The following TUSC3 variants were observed in gnomAD, a reference collection of about 807,000 sequenced individuals.
TUSC3 encodes the protein tumor suppressor candidate 3, also known as dolichyl-diphosphooligosaccharide--protein glycosyltransferase subunit TUSC3.
Under a neutral mutation model 44.8 loss-of-function variants are expected in TUSC3, and 45 were observed. That is an observed-to-expected ratio of 1.00 (90% CI 0.79 to 1.29). The LOEUF (loss-of-function observed/expected upper bound fraction) is 1.29, where lower values mean the gene tolerates loss of function less well. Among genes scored for constraint, TUSC3 ranks in the 50% most tolerant of loss-of-function variants. TUSC3 has a pLI of 0.00. For missense variants in TUSC3, 519 were observed against 437.9 expected (o/e 1.19, Z -1.65); for synonymous variants, 212 against 152.9 (o/e 1.39, Z -2.85).
intron 1 of TUSC3, among the ~76,000 whole-genome samples, chr8:15,622,388 C>G (rs779190022): frequency 3.3e-5 from 5 of 151,786 alleles, no homozygotes; most frequent in Non-Finnish European, 5.9e-5. Flanking sequence ...CCACCTTGGT[C>G]TCCCAAAGTG....
the TUSC3 span, among the ~76,000 whole-genome samples, chr8:15,788,569 G>A: frequency 1.9e-4 from 28 of 145,450 alleles, no homozygotes; most frequent in African/African-American, 6.5e-4. Flanking sequence ...AAAAAAGGAA[G>A]TTAAATTTCA....
At chr8:15,468,723 A>G (rs1190897866) in intron 1 of TUSC3, among the ~76,000 whole-genome samples, 1 of 152,148 alleles carries the variant, frequency 6.6e-6, no homozygotes, top group African/African-American at 2.4e-5. Context: ...AGCAGAGAAA[A>G]ATCACAACAG....
chr8:15,799,756 A>G, the TUSC3 span, among the ~76,000 whole-genome samples: 3 of 152,222 alleles, frequency 2.0e-5, no homozygotes, highest in Non-Finnish European at 2.9e-5. Flanking sequence ...GTCAAGGACT[A>G]TGAAGGGTCT....
intron 1 of TUSC3, among the ~76,000 whole-genome samples, chr8:15,435,657 C>T (rs1449264886): frequency 6.6e-6 from 1 of 152,104 alleles, no homozygotes; most frequent in African/African-American, 2.4e-5. Context: ...TAAATTGACT[C>T]CCTCTTTTTA....
chr8:15,475,303 A>C (rs1251533590), intron 1 of TUSC3, among the ~76,000 whole-genome samples: 1 of 152,210 alleles, frequency 6.6e-6, no homozygotes, highest in Non-Finnish European at 1.5e-5. Flanking sequence ...ACCAGAGCCC[A>C]AATTAGCCTG....
chr8:15,798,771 G>A, the TUSC3 span, among the ~76,000 whole-genome samples: 1 of 152,128 alleles, frequency 6.6e-6, no homozygotes, highest in African/African-American at 2.4e-5. Context: ...GGCTCTTACA[G>A]GGACAACATT....
chr8:15,717,382 G>T (rs979280023), intron 6 of TUSC3, among the ~76,000 whole-genome samples: 3 of 152,050 alleles, frequency 2.0e-5, no homozygotes, highest in Admixed American at 6.6e-5. Flanking sequence ...TTGTTTGAGA[G>T]TAACGAAGAG....
chr8:15,449,270 G>A (rs1463762654), intron 1 of TUSC3, among the ~76,000 whole-genome samples: 1 of 152,200 alleles, frequency 6.6e-6, no homozygotes, highest in South Asian at 2.1e-4. Context: ...AAGAAGGAAT[G>A]GGCACATGTG....
chr8:15,499,278 A>G (rs138238383), intron 2 of TUSC3, among the ~76,000 whole-genome samples: 5 of 152,300 alleles, frequency 3.3e-5, no homozygotes, highest in African/African-American at 1.2e-4. Flanking sequence ...TTCCTTATCA[A>G]CATTTACTTT....
chr8:15,824,939 T>G, the TUSC3 span, among the ~76,000 whole-genome samples: 72 of 152,310 alleles, frequency 4.7e-4, no homozygotes, highest in African/African-American at 1.7e-3. Context: ...CCTCCCTTCA[T>G]TGACCATAAG....
chr8:15,540,462 G>A lies in TUSC3; in HGVS notation c.32G>A (p.Arg11Lys), dbSNP rs13269389. 3 of 1,605,890 alleles carry A rather than the reference G, an allele frequency of 1.9e-6. No individual in the cohort carries two copies. The highest frequency in any genetic ancestry group is 2.5e-6 in the Non-Finnish European group (3 of 1,177,082). Residue 11 changes from arginine to lysine, a missense_variant, in exon 1 of 11, where the codon AGG (arginine) becomes AAG (lysine). By Grantham distance (26) the Arg-to-Lys change is conservative. Transcript: ENST00000503731. The stretch of plus-strand genomic sequence containing the variant: ...GCCCGGGGCGCTCCTTCACGCCGTA[G>A]GCAAGCGGGGCGGCGGCTGCGGTAC... MGARGAPSRR[R>K]QAGRRLRYLP...
intron 2 of TUSC3, among the ~76,000 whole-genome samples, chr8:15,491,576 C>G (rs760929105): frequency 4.6e-5 from 7 of 152,040 alleles, no homozygotes; most frequent in Non-Finnish European, 8.8e-5. Context: ...GAATTTTTAT[C>G]TTTTTGCTTA....
At chr8:15,836,797 C>T in the TUSC3 span, among the ~76,000 whole-genome samples, 1 of 152,200 alleles carries the variant, frequency 6.6e-6, no homozygotes, top group South Asian at 2.1e-4. Flanking sequence ...AAATGATATG[C>T]TTTTAATTTT....
At chr8:15,527,862 T>C (rs1801396583) in intron 2 of TUSC3, among the ~76,000 whole-genome samples, 1 of 152,238 alleles carries the variant, frequency 6.6e-6, no homozygotes, top group Non-Finnish European at 1.5e-5. Context: ...CATTCTCCTC[T>C]TCCTCTAGCC....
At chr8:15,482,924 C>G (rs113449721) in intron 1 of TUSC3, among the ~76,000 whole-genome samples, 1 of 152,032 alleles carries the variant, frequency 6.6e-6, no homozygotes, top group Non-Finnish European at 1.5e-5. Flanking sequence ...TTACTTTAAG[C>G]GGTGTGTTTT....
the TUSC3 span, among the ~76,000 whole-genome samples, chr8:15,784,996 C>T: frequency 6.8e-6 from 1 of 146,866 alleles, no homozygotes; most frequent in Admixed American, 7.3e-5. Flanking sequence ...AGAAACATGA[C>T]ATTGTACCTA....
intron 3 of TUSC3, among the ~76,000 whole-genome samples, chr8:15,652,897 T>C (rs907448767): frequency 6.6e-5 from 10 of 152,212 alleles, no homozygotes; most frequent in African/African-American, 2.4e-4. Flanking sequence ...TTTCATTGTA[T>C]CTTTGTTATG....
Position 15,422,411 on chromosome 8 carries a change from A to G in TUSC3, n.91+5106A>G, listed in dbSNP as rs1462283596. 2.6e-5 allele frequency among the ~76,000 whole-genome samples: 4 copies of G among 152,298 alleles called. No individual in the cohort carries two copies. In the East Asian group the frequency reaches 5.8e-4, roughly 22 times the overall value. On this transcript the variant is annotated intron_variant and non_coding_transcript_variant, in intron 1 of 5. Transcript: ENST00000503191. Reference sequence around the variant, plus strand: ...TAGAGAGATTACTCCTTGTTCTTCAAGAATGGGGACCGGCAGAGTAGGTGG... The same window carrying G: ...TAGAGAGATTACTCCTTGTTCTTCAGGAATGGGGACCGGCAGAGTAGGTGG...
chr8:15,478,810 A>T (rs1348696621), intron 1 of TUSC3, among the ~76,000 whole-genome samples: 1 of 152,118 alleles, frequency 6.6e-6, no homozygotes, highest in Non-Finnish European at 1.5e-5. Context: ...AATGGGATTC[A>T]TGGGTAAAAT....
Sources: gnomAD v4.1 joint callset for allele counts (sites outside exome capture counted in the v4.1 genomes callset) on GRCh38, gnomAD v4.1.1 for gene constraint, MANE v1.5 for transcripts, NCBI Gene and HGNC (gene_info 2026-07-23, HGNC 2026-07-21) for gene names.